PLXDC2: variants seen among roughly 807,000 people sequenced by gnomAD.
PLXDC2 encodes the protein plexin domain-containing protein 2.
Under a neutral mutation model 68.9 loss-of-function variants are expected in PLXDC2, and 40 were observed. That is an observed-to-expected ratio of 0.58 (90% confidence interval 0.45 to 0.76). The LOEUF is 0.76. PLXDC2 is among the 30% of genes least tolerant of loss of function. The probability of loss-of-function intolerance (pLI) is 0.00; values close to 1 mark genes in which losing one functional copy is unlikely to be tolerated. For missense variants in PLXDC2, 644 were observed against 661.9 expected, an observed-to-expected ratio of 0.97 and a Z score of 0.30; for synonymous variants, 243 against 234.2, an observed-to-expected ratio of 1.04 and a Z score of -0.34.
intron 10 of PLXDC2, among the ~76,000 whole-genome samples, chr10:20,214,063 C>T (rs1835104439): frequency 6.6e-6 from 1 of 152,118 alleles, no homozygotes; most frequent in Non-Finnish European, 1.5e-5. Context: ...GAAATTCCAA[C>T]AAACATTTTT....
At chr10:19,857,263 T>C (rs1289758152) in intron 1 of PLXDC2, among the ~76,000 whole-genome samples, 1 of 152,220 alleles carries the variant, frequency 6.6e-6, no homozygotes, top group East Asian at 1.9e-4. Context: ...CTATTCACTT[T>C]TTAGATTTCA....
intron 1 of PLXDC2, among the ~76,000 whole-genome samples, chr10:19,933,804 G>A (rs1195556441): frequency 6.9e-6 from 1 of 144,154 alleles, no homozygotes; most frequent in African/African-American, 2.5e-5. Flanking sequence ...GAGGGCAGGA[G>A]GGAGGGAAAA....
In PLXDC2 at chr10:20,185,703, T is replaced by G. The variant is rs530685704; in HGVS notation, c.1061+8294T>G. Among the ~76,000 whole-genome samples the G allele has an allele frequency of 5.9e-5, 9 of 152,096 alleles. No homozygotes were observed. In the East Asian group the frequency reaches 1.6e-3, roughly 26 times the overall value. On this transcript the variant is annotated intron_variant, in intron 9 of 13. Coordinates refer to ENST00000377252, the MANE Select transcript of PLXDC2 (RefSeq NM_032812.9). ...GGTCTAAGTTCATATTTGAAGCTAC[T>G]TTTAGACTATAAATTTACATGATTG...
At chr10:20,172,862 A>T (rs1834467112) in intron 7 of PLXDC2, among the ~76,000 whole-genome samples, 1 of 152,212 alleles carries the variant, frequency 6.6e-6, no homozygotes, top group Admixed American at 6.5e-5. Flanking sequence ...TAAAAGGCTT[A>T]AATTAGCATT....
chr10:20,232,792 A>G (rs1489940014), intron 12 of PLXDC2, among the ~76,000 whole-genome samples: 1 of 152,200 alleles, frequency 6.6e-6, no homozygotes, highest in Non-Finnish European at 1.5e-5. Flanking sequence ...AGTGTTTCAT[A>G]TGATTTGGGT....
At chr10:20,040,689 A>C (rs1047066127) in intron 2 of PLXDC2, among the ~76,000 whole-genome samples, 2 of 152,108 alleles carry the variant, frequency 1.3e-5, no homozygotes, top group Non-Finnish European at 2.9e-5. Flanking sequence ...TAAAGATCCT[A>C]TCCCCTCCCT....
chr10:20,213,381 A>G (rs147852283), intron 10 of PLXDC2, among the ~76,000 whole-genome samples: 2 of 152,126 alleles, frequency 1.3e-5, no homozygotes, highest in African/African-American at 4.8e-5. Flanking sequence ...CTCCTCTTCT[A>G]AAGCTCTGTC....
chr10:19,886,358 T>C (rs1837845975), intron 1 of PLXDC2, among the ~76,000 whole-genome samples: 1 of 152,156 alleles, frequency 6.6e-6, no homozygotes, highest in Admixed American at 6.6e-5. Flanking sequence ...TTCATGAACA[T>C]TGATGCAAAA....
At chr10:20,129,828 A>C (rs1173210545) in intron 4 of PLXDC2, among the ~76,000 whole-genome samples, 1 of 151,972 alleles carries the variant, frequency 6.6e-6, no homozygotes, top group Non-Finnish European at 1.5e-5. Flanking sequence ...ATAAATGCTT[A>C]GGTTTAGGGC....
intron 2 of PLXDC2, among the ~76,000 whole-genome samples, chr10:20,027,147 A>T (rs1231150744): frequency 1.3e-4 from 19 of 151,248 alleles, no homozygotes; most frequent in Non-Finnish European, 2.8e-4. Flanking sequence ...ATGTAGACAC[A>T]CCCAATTTAA....
chr10:19,853,474 T>C (rs929480108), intron 1 of PLXDC2, among the ~76,000 whole-genome samples: 2 of 152,118 alleles, frequency 1.3e-5, no homozygotes, highest in Non-Finnish European at 2.9e-5. Flanking sequence ...AAGGCTGATA[T>C]TGAACTCCTG....
intron 1 of PLXDC2, among the ~76,000 whole-genome samples, chr10:19,912,762 C>A: frequency 6.6e-6 from 1 of 152,168 alleles, no homozygotes; most frequent in South Asian, 2.1e-4. Context: ...TAAATGACAA[C>A]AATTAAATAT....
intron 13 of PLXDC2, among the ~76,000 whole-genome samples, chr10:20,268,467 A>G (rs954395329): frequency 6.6e-6 from 1 of 152,248 alleles, no homozygotes; most frequent in Non-Finnish European, 1.5e-5. Flanking sequence ...AGTTTGACTG[A>G]TAAGATCACT....
rs538432023 is a variant in PLXDC2, at chr10:20,205,916, T to G, written c.1062-5753T>G. 1.1e-4 allele frequency among the ~76,000 whole-genome samples: 17 copies of G among 152,146 alleles called. 1 individual carries two copies. The South Asian group carries it at 3.3e-3, about 30-fold the overall frequency. ...CAGTGAGTATAGCATATTGTATCTT[T>G]TGTATTTTTGTGTATTTTTGCTGTA... On this transcript the variant is annotated intron_variant, in intron 9 of 13. Transcript: ENST00000377252.
At chr10:19,818,228 G>GT (rs928010186) in intron 1 of PLXDC2, among the ~76,000 whole-genome samples, 2 of 8,142 alleles carry the variant, frequency 2.5e-4, no homozygotes, top group African/African-American at 1.1e-3. Context: ...TTCTTTTCTG[G>GT]TGTGTGTGTG....
At chr10:20,253,749 A>G (rs1340038226) in intron 13 of PLXDC2, among the ~76,000 whole-genome samples, 1 of 152,190 alleles carries the variant, frequency 6.6e-6, no homozygotes, top group Non-Finnish European at 1.5e-5. Context: ...AAAAATTTAT[A>G]TGAGTTTCGT....
Position 20,143,347 on chromosome 10 carries a change from C to T in PLXDC2, c.594C>T (p.Tyr198=). The T allele has an allele frequency of 6.2e-7, 1 of 1,613,162 alleles. No homozygotes were observed. The highest frequency in any genetic ancestry group is 8.5e-7 in the Non-Finnish European group (1 of 1,179,326). ...ATCGAATGCTAACAGCCACACAGTACATAGCACCTTTAATGGCAAATTTCG... is the reference window on the plus strand; with the variant it reads ...ATCGAATGCTAACAGCCACACAGTATATAGCACCTTTAATGGCAAATTTCG... ...VVHRMLTATQ[Y]IAPLMANFDP... The change falls in exon 5 of 14, where the codon TAC becomes TAT. Residue 198 remains tyrosine (Y), a synonymous_variant. Transcript: ENST00000377252.
At chr10:20,220,025 A>G (rs1476823777) in intron 12 of PLXDC2, among the ~76,000 whole-genome samples, 2 of 152,162 alleles carry the variant, frequency 1.3e-5, no homozygotes, top group South Asian at 2.1e-4. Flanking sequence ...GTTTATATCT[A>G]TATTTGTCTT....
intron 13 of PLXDC2, among the ~76,000 whole-genome samples, chr10:20,249,856 A>G (rs1185704394): frequency 1.3e-5 from 2 of 152,298 alleles, no homozygotes; most frequent in South Asian, 2.1e-4. Flanking sequence ...CCCAGTTTCA[A>G]TTATATTAAA....
Sources: allele counts gnomAD v4.1 joint callset (sites outside exome capture counted in the v4.1 genomes callset), GRCh38; gene constraint gnomAD v4.1.1; transcripts MANE v1.5; gene names NCBI Gene and HGNC (gene_info 2026-07-23, HGNC 2026-07-21).